The following GPC6 variants were observed in gnomAD, a reference collection of about 807,000 sequenced individuals.
GPC6 encodes the protein glypican-6.
Under a neutral mutation model 55.2 loss-of-function variants are expected in GPC6, and 14 were observed. The observed-to-expected ratio is 0.25, with a 90% CI of 0.17 to 0.40. GPC6 has a LOEUF of 0.40. Ranked by LOEUF, GPC6 falls within the 10% of genes least tolerant of loss-of-function variation. The pLI is 1.00. For missense variants in GPC6, 641 were observed against 708.5 expected, an observed-to-expected ratio of 0.90 and a Z score of 1.08; for synonymous variants, 278 against 259.6, an observed-to-expected ratio of 1.07 and a Z score of -0.68.
At chr13:93,343,949 G>A (rs903013840) in intron 1 of GPC6, among the ~76,000 whole-genome samples, 4 of 151,958 alleles carry the variant, frequency 2.6e-5, no homozygotes, top group Admixed American at 2.6e-4. Context: ...TCTCATCCTT[G>A]CTATATATCC....
chr13:94,099,850 A>G (rs17791678), intron 4 of GPC6, among the ~76,000 whole-genome samples: 7,856 of 152,258 alleles, frequency 0.052, 273 homozygotes, highest in Non-Finnish European at 0.084. Flanking sequence ...AGATTAAAGT[A>G]TGATTTTAAA....
At chr13:94,206,762 A>G (rs1889914353) in intron 4 of GPC6, among the ~76,000 whole-genome samples, 1 of 152,154 alleles carries the variant, frequency 6.6e-6, no homozygotes, top group Non-Finnish European at 1.5e-5. Flanking sequence ...CTGTGGTGGG[A>G]GGATCACTTG....
intron 2 of GPC6, among the ~76,000 whole-genome samples, chr13:93,551,125 C>A (rs542051645): frequency 1.1e-4 from 16 of 152,100 alleles, no homozygotes; most frequent in African/African-American, 3.6e-4. Flanking sequence ...AGTCCCAGGA[C>A]GAGACAAAAT....
chr13:94,294,437 T>TAAAAAAAAAAAAA, intron 5 of GPC6, among the ~76,000 whole-genome samples: 1 of 116,754 alleles, frequency 8.6e-6, no homozygotes, highest in Non-Finnish European at 1.8e-5. Flanking sequence ...AAATGAAGAT[T>TAAAAAAAAAAAAA]AAAAAAAAAA....
intron 2 of GPC6, among the ~76,000 whole-genome samples, chr13:93,610,593 T>C (rs1475075017): frequency 6.6e-6 from 1 of 152,166 alleles, no homozygotes; most frequent in African/African-American, 2.4e-5. Flanking sequence ...CATATACATA[T>C]ATACACATGC....
intron 2 of GPC6, among the ~76,000 whole-genome samples, chr13:93,550,532 G>A (rs1275911092): frequency 2.0e-5 from 3 of 152,070 alleles, no homozygotes; most frequent in African/African-American, 7.2e-5. Context: ...AGTAACACCT[G>A]CAGACTACCC....
chr13:93,933,414 T>G (rs1022325488), intron 3 of GPC6, among the ~76,000 whole-genome samples: 2 of 152,126 alleles, frequency 1.3e-5, no homozygotes, highest in African/African-American at 4.8e-5. Context: ...ATGTTAGGAT[T>G]ACTCACCCCA....
At chr13:94,242,187 C>T (rs1482895619) in intron 4 of GPC6, among the ~76,000 whole-genome samples, 4 of 151,768 alleles carry the variant, frequency 2.6e-5, no homozygotes, top group East Asian at 3.9e-4. Context: ...TTTGTCCTTG[C>T]GATAGTTTAC....
chr13:94,340,755 A>G (rs1877992646), intron 6 of GPC6, among the ~76,000 whole-genome samples: 1 of 150,728 alleles, frequency 6.6e-6, no homozygotes, highest in Non-Finnish European at 1.5e-5. Flanking sequence ...AATGGAGACA[A>G]AGAACACTCG....
intron 2 of GPC6, among the ~76,000 whole-genome samples, chr13:93,554,807 A>G (rs1566421124): frequency 6.6e-6 from 1 of 152,230 alleles, no homozygotes; most frequent in Non-Finnish European, 1.5e-5. Context: ...CCAGCTAAGA[A>G]TAACTGTGCA....
intron 5 of GPC6, among the ~76,000 whole-genome samples, chr13:94,305,554 G>C (rs1281379579): frequency 6.6e-6 from 1 of 152,136 alleles, no homozygotes; most frequent in Non-Finnish European, 1.5e-5. Flanking sequence ...ACCACAAAGA[G>C]AACACTTGTT....
chr13:94,222,639 ATGTCTCACC>A (rs1890419808), intron 4 of GPC6, among the ~76,000 whole-genome samples: 1 of 152,164 alleles, frequency 6.6e-6, no homozygotes, highest in African/African-American at 2.4e-5. Context: ...TTCTAGATGT[ATGTCTCACC>A]TGTGCCTGGA....
intron 6 of GPC6, among the ~76,000 whole-genome samples, chr13:94,309,929 G>A (rs1280472126): frequency 1.3e-5 from 2 of 152,126 alleles, no homozygotes; most frequent in African/African-American, 4.8e-5. Flanking sequence ...GGAAGAGACT[G>A]GTTATGTTCC....
intron 6 of GPC6, among the ~76,000 whole-genome samples, chr13:94,358,241 A>G (rs1410500453): frequency 6.6e-6 from 1 of 151,292 alleles, no homozygotes; most frequent in Non-Finnish European, 1.5e-5. Flanking sequence ...GTGAGCTGAG[A>G]TAGTGCCACC....
intron 1 of GPC6, among the ~76,000 whole-genome samples, chr13:93,251,929 G>A (rs573574123): frequency 6.6e-6 from 1 of 152,288 alleles, no homozygotes; most frequent in Admixed American, 6.5e-5. Context: ...AGTTGGAAAT[G>A]GCACTGAAAC....
At chr13:93,985,265 C>T (rs1025718405) in intron 3 of GPC6, among the ~76,000 whole-genome samples, 14 of 152,070 alleles carry the variant, frequency 9.2e-5, no homozygotes, top group African/African-American at 2.9e-4. Flanking sequence ...GGTGAAACCC[C>T]GTCTCTACTA....
At chr13:93,803,999 C>A (rs114898420) in intron 2 of GPC6, among the ~76,000 whole-genome samples, 45 of 152,146 alleles carry the variant, frequency 3.0e-4, no homozygotes, top group African/African-American at 1.1e-3. Context: ...GTGATGGTTG[C>A]ACATCCTAGA....
chr13:93,526,788 G>A, intron 1 of GPC6, among the ~76,000 whole-genome samples: 1 of 152,040 alleles, frequency 6.6e-6, no homozygotes, highest in East Asian at 1.9e-4. Context: ...GATAAATTAA[G>A]TATGTTCTTA....
intron 3 of GPC6, among the ~76,000 whole-genome samples, chr13:93,979,303 GTGTGTGTGTGTGTGTTTGTGTGTGTT>G (rs1369085044): frequency 6.7e-6 from 1 of 150,356 alleles, no homozygotes; most frequent in African/African-American, 2.5e-5. Context: ...GTGTGTGTGT[GTGTGTGTGTGTGTGTTTGTGTGTGTT>G]TTTTTGTGTG....
Sources: allele counts gnomAD v4.1 joint callset (sites outside exome capture counted in the v4.1 genomes callset), GRCh38; gene constraint gnomAD v4.1.1; transcripts MANE v1.5; gene names NCBI Gene and HGNC (gene_info 2026-07-23, HGNC 2026-07-21).